RYR2: variants seen among roughly 807,000 people sequenced by gnomAD.
RYR2 encodes cardiac muscle ryanodine receptor-calcium release channel.
RYR2 carries 227 observed loss-of-function variants against 601.1 expected under a neutral mutation model. That is an observed-to-expected ratio of 0.38 (90% CI 0.34 to 0.42). The LOEUF (loss-of-function observed/expected upper bound fraction) is 0.42. RYR2 is among the 10% of genes least tolerant of loss of function. The pLI is 1.00. For synonymous variants in RYR2, 2,223 were observed against 2,175.1 expected, an observed-to-expected ratio of 1.02 and a Z score of -0.61; for missense variants, 4,646 against 6,156.5, an observed-to-expected ratio of 0.75 and a Z score of 8.21.
intron 2 of RYR2, among the ~76,000 whole-genome samples, chr1:237,274,892 C>T (rs1369266977): frequency 6.6e-6 from 1 of 151,980 alleles, no homozygotes; most frequent in Non-Finnish European, 1.5e-5. Flanking sequence ...AGGTTTGTAG[C>T]CTAGGAGTAA....
At position 237,412,186 on chromosome 1, in the gene RYR2, A is replaced by T. The variant is rs1572205691; in HGVS notation, c.774-4863A>T. 2.6e-5 allele frequency among the ~76,000 whole-genome samples: 4 copies of T among 152,224 alleles called. No homozygotes were observed. In the South Asian group the frequency reaches 8.3e-4, roughly 32 times the overall value. On this transcript the variant is annotated intron_variant, in intron 10 of 104. Transcript: ENST00000366574. ...TGAGATAAGACTCAAATTGTGTTTTATAGCCAAAAATACAAAAATAACTAA... is the reference window on the plus strand; with the variant it reads ...TGAGATAAGACTCAAATTGTGTTTTTTAGCCAAAAATACAAAAATAACTAA...
At chr1:237,234,239 C>T (rs1223465066) in intron 1 of RYR2, among the ~76,000 whole-genome samples, 1 of 152,132 alleles carries the variant, frequency 6.6e-6, no homozygotes, top group African/African-American at 2.4e-5. Flanking sequence ...CTCCTACAGA[C>T]ACAAATTCTT....
chr1:237,598,597 A>C lies in RYR2; in HGVS notation c.4596+2940A>C, dbSNP rs571639554. ...TGAAGATGTTAAAAAAGAAATTAAA[A>C]ATTTTCTTGAGACAAACAAAAATGG... On this transcript the variant is annotated intron_variant, in intron 34 of 104. Transcript: ENST00000366574. 1.6e-3 allele frequency among the ~76,000 whole-genome samples: 239 copies of C among 152,286 alleles called. 1 individual carries two copies. The highest frequency in any genetic ancestry group is 5.5e-3 in the African/African-American group (230 of 41,574).
At chr1:237,111,673 G>C (rs933889165) in intron 1 of RYR2, among the ~76,000 whole-genome samples, 3 of 150,324 alleles carry the variant, frequency 2.0e-5, no homozygotes, top group Admixed American at 2.0e-4. Context: ...AATGGCAAAA[G>C]AAAATATCCA....
At chr1:237,741,967 G>A (rs1465432709) in intron 79 of RYR2, among the ~76,000 whole-genome samples, 1 of 152,166 alleles carries the variant, frequency 6.6e-6, no homozygotes, top group Non-Finnish European at 1.5e-5. Context: ...ATAAAAAAAA[G>A]AGAAAATCCT....
At chr1:237,133,140 G>C (rs933757522) in intron 1 of RYR2, among the ~76,000 whole-genome samples, 4 of 152,120 alleles carry the variant, frequency 2.6e-5, no homozygotes, top group Non-Finnish European at 5.9e-5. Flanking sequence ...GGGTTCAGGG[G>C]CCAGACAAGT....
At chr1:237,699,306 G>C (rs531869264) in intron 64 of RYR2, among the ~76,000 whole-genome samples, 1 of 152,136 alleles carries the variant, frequency 6.6e-6, no homozygotes, top group Non-Finnish European at 1.5e-5. Context: ...ATGGTAATCT[G>C]ACAACTCTAG....
At chr1:237,464,050 A>G (rs1319831211) in intron 16 of RYR2, among the ~76,000 whole-genome samples, 2 of 152,202 alleles carry the variant, frequency 1.3e-5, no homozygotes. Context: ...TTATCACGTA[A>G]TACATGCAGA....
chr1:237,154,885 C>A (rs1675134797), intron 1 of RYR2, among the ~76,000 whole-genome samples: 1 of 152,120 alleles, frequency 6.6e-6, no homozygotes, highest in African/African-American at 2.4e-5. Context: ...TCCTCTGTAG[C>A]AGGCCACCAT....
intron 28 of RYR2, among the ~76,000 whole-genome samples, chr1:237,568,167 G>T (rs1285822372): frequency 6.6e-6 from 1 of 152,142 alleles, no homozygotes; most frequent in East Asian, 1.9e-4. Context: ...GAACAGGCAT[G>T]GGGTGGGTGG....
intron 16 of RYR2, among the ~76,000 whole-genome samples, chr1:237,467,256 T>C (rs1660187136): frequency 6.7e-6 from 1 of 148,716 alleles, no homozygotes; most frequent in South Asian, 2.1e-4. Flanking sequence ...TATAATTATA[T>C]ATTATATATA....
intron 54 of RYR2, 148 bp downstream of exon 54, chr1:237,658,170 T>C (rs1683432358): frequency 2.3e-6 from 1 of 436,950 alleles, no homozygotes; most frequent in East Asian, 3.9e-5. Flanking sequence ...GCTTATATAA[T>C]AATATAATAT....
intron 1 of RYR2, among the ~76,000 whole-genome samples, chr1:237,056,482 G>GACTGCACCTGTGAGGACTGGAGC (rs1371363454): frequency 6.8e-5 from 9 of 132,872 alleles, no homozygotes; most frequent in Non-Finnish European, 1.1e-4. Flanking sequence ...GAGGACTAGA[G>GACTGCACCTGTGAGGACTGGAGC]ACTGCACCTG....
intron 29 of RYR2, among the ~76,000 whole-genome samples, chr1:237,588,768 G>A (rs890430001): frequency 5.3e-5 from 8 of 152,048 alleles, no homozygotes; most frequent in African/African-American, 1.9e-4. Context: ...GGGAGGCGGA[G>A]GTTGCAGTGA....
intron 3 of RYR2, among the ~76,000 whole-genome samples, 187 bp from the exon 4 acceptor site, chr1:237,355,778 A>G (rs1016267453): frequency 4.6e-5 from 7 of 152,064 alleles, no homozygotes; most frequent in South Asian, 2.1e-4. Flanking sequence ...AATTAACTGA[A>G]TTCTTTTTGT....
In RYR2 at chr1:237,377,444, G is replaced by A. The variant is rs748420791; in HGVS notation, c.576+9G>A. On this transcript the variant is annotated intron_variant, in intron 8 of 104. Coordinates refer to ENST00000366574, the MANE Select transcript of RYR2 (RefSeq NM_001035.3). ...CCTCTGAAAGGTACTTGGTAAGTGT[G>A]GAAAGTAGGATCATGTATCTGCTGA... 1.3e-6 allele frequency: 2 copies of A among 1,590,496 alleles called. No individual in the cohort carries two copies. Among genetic ancestry groups the A allele is most frequent in the Admixed American group, 3.3e-5 (2 of 59,886 alleles).
At chr1:237,337,018 A>G (rs1313434270) in intron 3 of RYR2, among the ~76,000 whole-genome samples, 2 of 152,074 alleles carry the variant, frequency 1.3e-5, no homozygotes, top group African/African-American at 4.8e-5. Flanking sequence ...TGGGAGGCTG[A>G]GGCATGTGGA....
At chr1:237,062,869 G>A (rs917767629) in intron 1 of RYR2, among the ~76,000 whole-genome samples, 4 of 151,902 alleles carry the variant, frequency 2.6e-5, no homozygotes, top group Non-Finnish European at 5.9e-5. Flanking sequence ...TGTTTTTGTT[G>A]TGTTTGGCAG....
At chr1:237,245,713 T>C (rs1454540122) in intron 1 of RYR2, among the ~76,000 whole-genome samples, 2 of 152,214 alleles carry the variant, frequency 1.3e-5, no homozygotes, top group African/African-American at 4.8e-5. Flanking sequence ...GCTGAACATT[T>C]TCTTTAATTC....
Sources: gnomAD v4.1 joint callset for allele counts (sites outside exome capture counted in the v4.1 genomes callset) on GRCh38, gnomAD v4.1.1 for gene constraint, MANE v1.5 for transcripts, NCBI Gene and HGNC (gene_info 2026-07-23, HGNC 2026-07-21) for gene names.